Variants in PRR16 observed in about 807,000 individuals in gnomAD.
PRR16 encodes the protein proline rich 16.
PRR16 carries 6 observed loss-of-function variants against 18.2 expected under a neutral mutation model. The ratio of observed to expected loss-of-function variants is 0.33; its 90% CI spans 0.18 to 0.65. PRR16 has a LOEUF of 0.65. Ranked by LOEUF, PRR16 falls within the 30% of genes least tolerant of loss-of-function variation. PRR16 has a pLI of 0.74. For synonymous variants in PRR16, 151 were observed against 147.8 expected (o/e 1.02, Z -0.16); for missense variants, 412 against 376.6 (o/e 1.09, Z -0.78).
chr5:120,744,535 C>A, the PRR16 span, among the ~76,000 whole-genome samples: 2 of 152,112 alleles, frequency 1.3e-5, no homozygotes, highest in African/African-American at 4.8e-5. Context: ...ATTCTATTAT[C>A]AATAGAGGAC....
chr5:120,511,764 A>G (rs1161206518), intron 1 of PRR16, among the ~76,000 whole-genome samples: 2 of 152,200 alleles, frequency 1.3e-5, no homozygotes, highest in African/African-American at 2.4e-5. Context: ...TAGCTAGGCA[A>G]CAGAGGAGAA....
At chr5:120,735,659 T>C in the PRR16 span, among the ~76,000 whole-genome samples, 4 of 76,996 alleles carry the variant, frequency 5.2e-5, no homozygotes, top group East Asian at 1.3e-3. Context: ...TTTTTACTCA[T>C]ATTTTTGTTG....
chr5:120,630,107 A>G (rs531765820), intron 1 of PRR16, among the ~76,000 whole-genome samples: 1 of 151,864 alleles, frequency 6.6e-6, no homozygotes, highest in Non-Finnish European at 1.5e-5. Context: ...ATACTAATTT[A>G]TTTTCATTTT....
At chr5:120,745,685 A>ATTATTTAT in the PRR16 span, among the ~76,000 whole-genome samples, 1 of 150,674 alleles carries the variant, frequency 6.6e-6, no homozygotes, top group South Asian at 2.1e-4. Context: ...TATTTATTTT[A>ATTATTTAT]TTATTTATTT....
intron 1 of PRR16, among the ~76,000 whole-genome samples, chr5:120,489,394 T>C (rs1441743042): frequency 1.3e-5 from 2 of 152,194 alleles, no homozygotes; most frequent in Non-Finnish European, 2.9e-5. Context: ...TTGATCCCTT[T>C]ACCATTATGT....
chr5:120,636,119 A>T (rs1397339964), intron 1 of PRR16, among the ~76,000 whole-genome samples: 1 of 152,172 alleles, frequency 6.6e-6, no homozygotes, highest in East Asian at 1.9e-4. Context: ...TGCGGAAAGA[A>T]ATCATAGATG....
chr5:120,759,167 AG>A, the PRR16 span, among the ~76,000 whole-genome samples: 145 of 151,858 alleles, frequency 9.5e-4, no homozygotes, highest in African/African-American at 3.2e-3. Flanking sequence ...TAGTAGAGAC[AG>A]GGTTTCACCG....
rs76087913 is a variant in PRR16 at position 120,518,566 on chromosome 5, T to G, written c.159+53921T>G. On this transcript the variant is annotated intron_variant, in intron 1 of 1. Coordinates refer to ENST00000407149, the MANE Select transcript of PRR16 (RefSeq NM_001300783.2). ...TGAAAGGCTATCCTCATTAAAATCTTTTTTTTTTTTTTAATAGAGGCTGCT... is the reference window on the plus strand; with the variant it reads ...TGAAAGGCTATCCTCATTAAAATCTGTTTTTTTTTTTTAATAGAGGCTGCT... 5.4e-3 allele frequency among the ~76,000 whole-genome samples: 487 copies of G among 90,940 alleles called. 4 individuals carry two copies. The highest frequency in any genetic ancestry group is 0.022 in the African/African-American group (464 of 21,358). The allele number at this position is 90,940 out of a possible 152,430, so 59.7% of individuals were successfully genotyped here.
chr5:120,749,598 C>T, the PRR16 span, among the ~76,000 whole-genome samples: 1 of 152,102 alleles, frequency 6.6e-6, no homozygotes, highest in Admixed American at 6.6e-5. Context: ...TCTCAATAGG[C>T]ATTTTCAATC....
chr5:120,530,269 A>ATATATATATATATATATATATATATT (rs1751502934), intron 1 of PRR16, among the ~76,000 whole-genome samples: 1 of 123,202 alleles, frequency 8.1e-6, no homozygotes, highest in African/African-American at 3.5e-5. Context: ...ATATATATAT[A>ATATATATATATATATATATATATATT]TATATATATA....
chr5:120,610,340 T>C (rs1479913408), intron 1 of PRR16, among the ~76,000 whole-genome samples: 1 of 150,224 alleles, frequency 6.7e-6, no homozygotes, highest in Non-Finnish European at 1.5e-5. Flanking sequence ...ATATAATTTA[T>C]TAAATTATAT....
chr5:120,712,271 C>T, the PRR16 span, among the ~76,000 whole-genome samples: 1 of 152,172 alleles, frequency 6.6e-6, no homozygotes, highest in East Asian at 1.9e-4. Flanking sequence ...ATACACAATA[C>T]ACAATATGCA....
At chr5:120,671,304 A>G (rs560248254) in intron 1 of PRR16, among the ~76,000 whole-genome samples, 1 of 152,284 alleles carries the variant, frequency 6.6e-6, no homozygotes, top group South Asian at 2.1e-4. Flanking sequence ...CTTTTAAAAA[A>G]ATTGCAAAGT....
intron 1 of PRR16, among the ~76,000 whole-genome samples, chr5:120,621,237 ATT>A (rs958023989): frequency 6.6e-6 from 1 of 151,912 alleles, no homozygotes; most frequent in South Asian, 2.1e-4. Context: ...AATAAGGGGG[ATT>A]TTTTTGAAAT....
At chr5:120,749,917 CTT>C in the PRR16 span, among the ~76,000 whole-genome samples, 1 of 152,084 alleles carries the variant, frequency 6.6e-6, no homozygotes, top group Non-Finnish European at 1.5e-5. Context: ...TATAGAGACT[CTT>C]TGTTTAGAAA....
chr5:120,654,940 G>T (rs1452624306), intron 1 of PRR16, among the ~76,000 whole-genome samples: 1 of 151,730 alleles, frequency 6.6e-6, no homozygotes, highest in Non-Finnish European at 1.5e-5. Context: ...TTAGAGAAGG[G>T]AGAACGATCA....
intron 1 of PRR16, among the ~76,000 whole-genome samples, chr5:120,681,314 C>G (rs1468189238): frequency 6.6e-6 from 1 of 151,884 alleles, no homozygotes; most frequent in Non-Finnish European, 1.5e-5. Context: ...TCTGTTATTT[C>G]AATAGTTTCT....
At chr5:120,735,710 T>C in the PRR16 span, among the ~76,000 whole-genome samples, 2 of 152,130 alleles carry the variant, frequency 1.3e-5, no homozygotes, top group South Asian at 4.1e-4. Context: ...TGATATATTC[T>C]GGATTTTTAT....
intron 1 of PRR16, among the ~76,000 whole-genome samples, chr5:120,517,891 G>T (rs1298311727): frequency 6.6e-6 from 1 of 152,150 alleles, no homozygotes; most frequent in African/African-American, 2.4e-5. Context: ...ACCTCTATGA[G>T]ATCTACGAGG....
Sources: gnomAD v4.1 joint callset for allele counts (sites outside exome capture counted in the v4.1 genomes callset) on GRCh38, gnomAD v4.1.1 for gene constraint, MANE v1.5 for transcripts, NCBI Gene and HGNC (gene_info 2026-07-23, HGNC 2026-07-21) for gene names.